Variants in TXLNB observed in about 807,000 individuals in gnomAD.
TXLNB encodes beta-taxilin.
In TXLNB, 37 loss-of-function variants were observed where a neutral mutation model predicts 57.4. That is an observed-to-expected ratio of 0.64 (90% CI 0.50 to 0.85). TXLNB has a LOEUF of 0.85. Among genes scored for constraint, TXLNB ranks in the 40% least tolerant of loss-of-function variants. The probability of loss-of-function intolerance (pLI) is 0.00; values close to 1 mark genes in which losing one functional copy is unlikely to be tolerated. For synonymous variants in TXLNB, 302 were observed against 309.6 expected, an observed-to-expected ratio of 0.98 and a Z score of 0.26; for missense variants, 848 against 825.6, an observed-to-expected ratio of 1.03 and a Z score of -0.33.
At chr6:139,227,520 C>G in the TXLNB span, among the ~76,000 whole-genome samples, 25 of 152,296 alleles carry the variant, frequency 1.6e-4, no homozygotes, top group African/African-American at 6.0e-4. Flanking sequence ...TTAGTAGTAT[C>G]TCCTATATCT....
intron 2 of TXLNB, among the ~76,000 whole-genome samples, chr6:139,278,601 T>TA (rs765933063): frequency 6.0e-5 from 9 of 150,276 alleles, no homozygotes; most frequent in South Asian, 2.1e-4. Context: ...AATCTCAAGT[T>TA]AGAGTGTCAT....
the TXLNB span, among the ~76,000 whole-genome samples, chr6:139,160,766 A>C: frequency 1.3e-5 from 2 of 152,244 alleles, no homozygotes; most frequent in Non-Finnish European, 2.9e-5. Flanking sequence ...CATTGGAAAA[A>C]GTAGAAAACA....
At chr6:139,209,522 T>C in the TXLNB span, among the ~76,000 whole-genome samples, 2 of 151,894 alleles carry the variant, frequency 1.3e-5, no homozygotes, top group Non-Finnish European at 2.9e-5. Flanking sequence ...ATCATGTATG[T>C]AGACCAATGG....
chr6:139,207,442 A>T, the TXLNB span, among the ~76,000 whole-genome samples: 1 of 152,232 alleles, frequency 6.6e-6, no homozygotes, highest in Non-Finnish European at 1.5e-5. Context: ...GAATGATAAT[A>T]GTGACACAAC....
At chr6:139,167,103 T>G in the TXLNB span, 1 of 1,614,192 alleles carries the variant, frequency 6.2e-7, no homozygotes, top group Non-Finnish European at 8.5e-7. Flanking sequence ...CTGAACACTT[T>G]CCACGTGCGC....
At chr6:139,196,657 G>A in the TXLNB span, among the ~76,000 whole-genome samples, 16 of 152,158 alleles carry the variant, frequency 1.1e-4, no homozygotes, top group African/African-American at 3.9e-4. Flanking sequence ...TTACAGGCAT[G>A]AGCCACTACA....
At chr6:139,224,124 T>G in the TXLNB span, among the ~76,000 whole-genome samples, 1 of 149,044 alleles carries the variant, frequency 6.7e-6, no homozygotes, top group South Asian at 2.2e-4. Context: ...CCATAAAAAA[T>G]GATGAGTTCA....
At chr6:139,312,227 G>A in the TXLNB span, among the ~76,000 whole-genome samples, 3 of 152,156 alleles carry the variant, frequency 2.0e-5, no homozygotes, top group African/African-American at 7.2e-5. Flanking sequence ...TCCTGTGAAG[G>A]AGACACCTCT....
At chr6:139,309,348 C>T in the TXLNB span, among the ~76,000 whole-genome samples, 1 of 152,190 alleles carries the variant, frequency 6.6e-6, no homozygotes, top group African/African-American at 2.4e-5. Context: ...ATGCCCAAAT[C>T]AGTTTCTCTT....
At chr6:139,277,772 T>C (rs939764189) in intron 2 of TXLNB, among the ~76,000 whole-genome samples, 1 of 152,178 alleles carries the variant, frequency 6.6e-6, no homozygotes, top group Non-Finnish European at 1.5e-5. Flanking sequence ...GGGGCATTTT[T>C]CCCATCCCTA....
rs146839849 is a variant in TXLNB at position 139,242,834 on chromosome 6, C to A, written c.1747G>T (p.Gly583Trp). ...TCGCATTGGGTTTCTGCTCCCAACCCGGCAGGAGAATTACTGGCCTTGGAG... is the reference window on the plus strand; with the variant it reads ...TCGCATTGGGTTTCTGCTCCCAACCAGGCAGGAGAATTACTGGCCTTGGAG... ...PPSKASNSPA[G>W]LGAETQCEGL... is the part of the protein sequence containing the mutation. The change falls in exon 10 of 10, where the codon GGG (glycine) becomes TGG (tryptophan). Residue 583 changes from glycine to tryptophan, a missense_variant. Coordinates refer to ENST00000358430, the MANE Select transcript of TXLNB (RefSeq NM_153235.4). 1 of 1,614,142 alleles carries A rather than the reference C, an allele frequency of 6.2e-7. No homozygotes were observed.
chr6:139,271,824 CA>C (rs377553524), intron 3 of TXLNB: 17 of 152,474 alleles, frequency 1.1e-4, no homozygotes, highest in African/African-American at 3.9e-4. Context: ...CCACTGGCCT[CA>C]GTTTCTGTAG....
chr6:139,215,044 C>T, the TXLNB span, among the ~76,000 whole-genome samples: 2 of 152,052 alleles, frequency 1.3e-5, no homozygotes, highest in African/African-American at 4.8e-5. Flanking sequence ...TGAAAATGGC[C>T]ATACTGCCCA....
At chr6:139,173,891 A>C in the TXLNB span, among the ~76,000 whole-genome samples, 1 of 152,224 alleles carries the variant, frequency 6.6e-6, no homozygotes, top group Non-Finnish European at 1.5e-5. Flanking sequence ...GATAGTTAAC[A>C]GTAATTTTGG....
chr6:139,180,671 G>A, the TXLNB span: 1 of 152,748 alleles, frequency 6.5e-6, no homozygotes, highest in South Asian at 2.1e-4. Flanking sequence ...CACTTTTGTT[G>A]AGGAAAGACA....
At chr6:139,215,993 T>C in the TXLNB span, among the ~76,000 whole-genome samples, 1 of 151,946 alleles carries the variant, frequency 6.6e-6, no homozygotes, top group African/African-American at 2.4e-5. Context: ...GGAGAGGATG[T>C]GGAGAAATAG....
the TXLNB span, among the ~76,000 whole-genome samples, chr6:139,218,136 C>T: frequency 6.6e-6 from 1 of 152,136 alleles, no homozygotes; most frequent in Non-Finnish European, 1.5e-5. Flanking sequence ...TTCTGCTGCT[C>T]AGCAGCAAAT....
chr6:139,303,599 A>C, the TXLNB span, among the ~76,000 whole-genome samples: 1 of 152,088 alleles, frequency 6.6e-6, no homozygotes, highest in African/African-American at 2.4e-5. Context: ...GCATCTTGGC[A>C]CTCTTAGGCA....
At chr6:139,298,751 T>A in the TXLNB span, among the ~76,000 whole-genome samples, 2 of 152,206 alleles carry the variant, frequency 1.3e-5, no homozygotes, top group Non-Finnish European at 2.9e-5. Flanking sequence ...ATTTGTCCCC[T>A]CAGAGTCTCA....
Sources: allele counts gnomAD v4.1 joint callset (sites outside exome capture counted in the v4.1 genomes callset), GRCh38; gene constraint gnomAD v4.1.1; transcripts MANE v1.5; gene names NCBI Gene and HGNC (gene_info 2026-07-23, HGNC 2026-07-21).